SLC24A3: variants seen among roughly 807,000 people sequenced by gnomAD.
SLC24A3 encodes sodium/potassium/calcium exchanger 3.
In SLC24A3, 28 loss-of-function variants were observed where a neutral mutation model predicts 75.8. The observed-to-expected ratio is 0.37, with a 90% CI of 0.27 to 0.51. The LOEUF is 0.51. SLC24A3 is among the 20% of genes least tolerant of loss of function. The pLI is 0.94. For synonymous variants in SLC24A3, 372 were observed against 334.1 expected, an observed-to-expected ratio of 1.11 and a Z score of -1.24; for missense variants, 663 against 847.8, an observed-to-expected ratio of 0.78 and a Z score of 2.71.
At chr20:19,426,987 G>T (rs748441203) in intron 2 of SLC24A3, among the ~76,000 whole-genome samples, 4 of 152,182 alleles carry the variant, frequency 2.6e-5, no homozygotes, top group Admixed American at 6.5e-5. Context: ...AGGCAGTTTG[G>T]TGTCCACACT....
intron 2 of SLC24A3, among the ~76,000 whole-genome samples, 191 bp downstream of exon 2, chr20:19,281,278 G>A (rs3790176): frequency 0.33 from 50,123 of 152,024 alleles, 8,653 homozygotes; most frequent in Middle Eastern, 0.48. Flanking sequence ...CTCTGTGTTC[G>A]TTTTCTACTG....
rs375015887 is a variant in SLC24A3, at chr20:19,632,980, G to C, written c.613-21082G>C. Among the ~76,000 whole-genome samples the C allele has an allele frequency of 4.2e-4, 64 of 152,278 alleles. 1 individual carries two copies. The highest frequency in any genetic ancestry group is 6.8e-3 in the Middle Eastern group (2 of 294). On this transcript the variant is annotated intron_variant, in intron 6 of 16. Coordinates refer to ENST00000328041, the MANE Select transcript of SLC24A3 (RefSeq NM_020689.4). ...TTTCCATTTTATTTTTACTACTTGAGAAAAATAGTTTTTTTAATAAAATGC... is the reference window on the plus strand; with the variant it reads ...TTTCCATTTTATTTTTACTACTTGACAAAAATAGTTTTTTTAATAAAATGC...
At chr20:19,677,686 C>CTTTTTTTTTTTT (rs796484728) in intron 9 of SLC24A3, among the ~76,000 whole-genome samples, 14 of 113,924 alleles carry the variant, frequency 1.2e-4, no homozygotes, top group Admixed American at 2.8e-4. Context: ...TTTTTTTTTT[C>CTTTTTTTTTTTT]TTTTTTTTTT....
chr20:19,537,690 T>C (rs1040046654), intron 3 of SLC24A3, among the ~76,000 whole-genome samples: 2 of 152,116 alleles, frequency 1.3e-5, no homozygotes, highest in African/African-American at 2.4e-5. Flanking sequence ...TGGAATACTA[T>C]GCAGCCATAA....
At chr20:19,537,120 C>G (rs1438036894) in intron 3 of SLC24A3, among the ~76,000 whole-genome samples, 1 of 152,142 alleles carries the variant, frequency 6.6e-6, no homozygotes, top group Non-Finnish European at 1.5e-5. Context: ...TTTTTGCAAC[C>G]TACTCACCTG....
rs559211986 is a variant in SLC24A3 at position 19,249,187 on chromosome 20, A to G, written c.143-31772A>G. Among the ~76,000 whole-genome samples the G allele has an allele frequency of 2.6e-5, 4 of 152,296 alleles. No individual in the cohort carries two copies. In the South Asian group the frequency reaches 6.2e-4, roughly 24 times the overall value. ...CAATGTGCAGTTGAAAAGCCATTAT[A>G]ATTTTGAGAACCAAAGTGTTTTATT... On this transcript the variant is annotated intron_variant, in intron 1 of 16. Transcript: ENST00000328041.
At chr20:19,435,844 C>T (rs912476358) in intron 2 of SLC24A3, among the ~76,000 whole-genome samples, 3 of 152,174 alleles carry the variant, frequency 2.0e-5, no homozygotes, top group African/African-American at 7.2e-5. Context: ...GACTTGCCTA[C>T]ACCTCACATT....
chr20:19,499,202 G>T (rs897466360), intron 2 of SLC24A3, among the ~76,000 whole-genome samples: 1 of 152,224 alleles, frequency 6.6e-6, no homozygotes, highest in Admixed American at 6.5e-5. Flanking sequence ...GTTGTCTTAA[G>T]CCACTATGTT....
intron 2 of SLC24A3, among the ~76,000 whole-genome samples, chr20:19,407,346 C>T (rs898097120): frequency 3.3e-5 from 5 of 152,122 alleles, no homozygotes; most frequent in African/African-American, 7.2e-5. Flanking sequence ...TTCTGTGTCC[C>T]GGTGCTGTGT....
At chr20:19,515,317 G>A (rs911112932) in intron 2 of SLC24A3, among the ~76,000 whole-genome samples, 171 bp from the exon 3 acceptor site, 6 of 152,176 alleles carry the variant, frequency 3.9e-5, no homozygotes, top group South Asian at 2.1e-4. Flanking sequence ...GGTTGCCCAC[G>A]TTCTTATCTG....
chr20:19,449,149 A>G (rs6106077), intron 2 of SLC24A3, among the ~76,000 whole-genome samples: 22,214 of 152,194 alleles, frequency 0.15, 4,303 homozygotes, highest in East Asian at 0.47. Flanking sequence ...GTAGAACTGG[A>G]TGAAATGCCT....
At chr20:19,413,559 C>T (rs1986780744) in intron 2 of SLC24A3, among the ~76,000 whole-genome samples, 1 of 152,124 alleles carries the variant, frequency 6.6e-6, no homozygotes, top group African/African-American at 2.4e-5. Context: ...TGATTGCCCC[C>T]CTGGTTGCTT....
chr20:19,638,351 G>T (rs1177378617), intron 6 of SLC24A3, among the ~76,000 whole-genome samples: 1 of 152,130 alleles, frequency 6.6e-6, no homozygotes, highest in Non-Finnish European at 1.5e-5. Context: ...AGTGTATACC[G>T]CTGGGACATA....
chr20:19,272,801 A>T (rs1244749438), intron 1 of SLC24A3, among the ~76,000 whole-genome samples: 1 of 152,216 alleles, frequency 6.6e-6, no homozygotes, highest in Admixed American at 6.5e-5. Flanking sequence ...TGGCTACAGC[A>T]TCCAGGCTGT....
intron 1 of SLC24A3, among the ~76,000 whole-genome samples, chr20:19,257,923 G>A (rs187751689): frequency 2.2e-4 from 34 of 152,292 alleles, no homozygotes; most frequent in East Asian, 7.7e-4. Flanking sequence ...ACTCCTGCAC[G>A]TAAGCCGTCC....
At chr20:19,351,277 A>G (rs1985559188) in intron 2 of SLC24A3, among the ~76,000 whole-genome samples, 1 of 151,996 alleles carries the variant, frequency 6.6e-6, no homozygotes. Flanking sequence ...ATCATCTCCC[A>G]CTCCTAAATA....
intron 15 of SLC24A3, among the ~76,000 whole-genome samples, chr20:19,704,175 ATG>A (rs2032902533): frequency 2.1e-5 from 2 of 96,106 alleles, no homozygotes; most frequent in African/African-American, 9.3e-5. Flanking sequence ...GGAGAGATGG[ATG>A]GATGGATGGA....
chr20:19,315,462 T>C (rs1415688094), intron 2 of SLC24A3, among the ~76,000 whole-genome samples: 1 of 152,196 alleles, frequency 6.6e-6, no homozygotes, highest in Non-Finnish European at 1.5e-5. Flanking sequence ...AGAGGCAAGA[T>C]TTGTGCTGAA....
rs142734380 is a variant in SLC24A3 at position 19,522,014 on chromosome 20, C to G, written c.348+6450C>G. 1.3e-3 allele frequency among the ~76,000 whole-genome samples: 197 copies of G among 152,278 alleles called. 3 individuals are homozygous for G. The East Asian group carries it at 0.021, about 16-fold the overall frequency. ...TTGTAGGCCATCAGTGTCTAGCAGACCTTCCCCAGCTGTCCAGTAGTCTAA... is the reference window on the plus strand; with the variant it reads ...TTGTAGGCCATCAGTGTCTAGCAGAGCTTCCCCAGCTGTCCAGTAGTCTAA... On this transcript the variant is annotated intron_variant, in intron 3 of 16. Coordinates refer to ENST00000328041, the MANE Select transcript of SLC24A3 (RefSeq NM_020689.4).
Sources: gnomAD v4.1 joint callset for allele counts (sites outside exome capture counted in the v4.1 genomes callset) on GRCh38, gnomAD v4.1.1 for gene constraint, MANE v1.5 for transcripts, NCBI Gene and HGNC (gene_info 2026-07-23, HGNC 2026-07-21) for gene names.